The following DENND2B variants were observed in gnomAD, a reference collection of about 807,000 sequenced individuals.
DENND2B encodes DENN domain-containing protein 2B.
In DENND2B, 32 loss-of-function variants were observed where a neutral mutation model predicts 116.0. The ratio of observed to expected loss-of-function variants is 0.28; its 90% confidence interval spans 0.21 to 0.37. The LOEUF (loss-of-function observed/expected upper bound fraction) is 0.37. Ranked by LOEUF, DENND2B falls within the 10% of genes least tolerant of loss-of-function variation. The pLI is 1.00. For synonymous variants in DENND2B, 588 were observed against 583.9 expected (o/e 1.01, Z -0.10); for missense variants, 1,276 against 1,477.7 (o/e 0.86, Z 2.24).
intron 1 of DENND2B, among the ~76,000 whole-genome samples, chr11:8,908,172 A>G (rs894822020): frequency 6.6e-6 from 1 of 152,240 alleles, no homozygotes; most frequent in Non-Finnish European, 1.5e-5. Flanking sequence ...AGAAGAAACC[A>G]TAACTACACA....
At chr11:8,791,843 GT>G (rs1249479837) in intron 1 of DENND2B, among the ~76,000 whole-genome samples, 6 of 152,070 alleles carry the variant, frequency 3.9e-5, no homozygotes, top group African/African-American at 1.4e-4. Flanking sequence ...GTGAAAAGAA[GT>G]TCACAAATTT....
chr11:8,756,639 T>C (rs72858278), intron 1 of DENND2B, among the ~76,000 whole-genome samples: 35,012 of 152,182 alleles, frequency 0.23, 4,159 homozygotes, highest in South Asian at 0.35. Flanking sequence ...CTTGAGGAGC[T>C]GAAGGCCAGG....
At chr11:8,728,132 T>C (rs901358102) in intron 3 of DENND2B, among the ~76,000 whole-genome samples, 1 of 152,018 alleles carries the variant, frequency 6.6e-6, no homozygotes, top group Non-Finnish European at 1.5e-5. Context: ...GCCTCCCAAG[T>C]AGCTGAGACT....
At chr11:8,793,185 C>A (rs919381218) in intron 1 of DENND2B, among the ~76,000 whole-genome samples, 1 of 152,090 alleles carries the variant, frequency 6.6e-6, no homozygotes, top group Non-Finnish European at 1.5e-5. Context: ...CTTTTCTTTC[C>A]ATTTTTTAAT....
intron 3 of DENND2B, among the ~76,000 whole-genome samples, chr11:8,840,067 T>G (rs767379465): frequency 4.0e-5 from 6 of 151,842 alleles, no homozygotes; most frequent in South Asian, 2.1e-4. Flanking sequence ...AGGAGTGACC[T>G]CCCTGGAAGC....
chr11:8,697,519 T>G lies in DENND2B; in HGVS notation c.3052+6A>C, dbSNP rs762992632. Reference sequence around the variant, plus strand: ...AGAGCTGACCGTGCCCGGGCACTATTCTCACCATCGTCGGAGTCGCTGTCA... The same window carrying G: ...AGAGCTGACCGTGCCCGGGCACTATGCTCACCATCGTCGGAGTCGCTGTCA... On this transcript the variant is annotated splice_donor_region_variant and intron_variant, in intron 17 of 19. Coordinates refer to ENST00000313726, the MANE Select transcript of DENND2B (RefSeq NM_213618.2). 1.9e-6 allele frequency: 3 copies of G among 1,612,498 alleles called. No homozygotes were observed. The highest frequency in any genetic ancestry group is 2.2e-5 in the South Asian group (2 of 91,060).
chr11:8,910,142 T>G (rs1264481217), intron 1 of DENND2B, among the ~76,000 whole-genome samples: 1 of 151,806 alleles, frequency 6.6e-6, no homozygotes, highest in East Asian at 1.9e-4. Context: ...TACTTCCCAC[T>G]GGAGGGGAGA....
chr11:8,726,805 G>A (rs912578872), intron 3 of DENND2B, among the ~76,000 whole-genome samples: 3 of 152,224 alleles, frequency 2.0e-5, no homozygotes, highest in African/African-American at 7.2e-5. Context: ...CCCACTCAGG[G>A]CTGTCAGGGG....
chr11:8,703,865 G>C (rs2042131860), intron 13 of DENND2B, among the ~76,000 whole-genome samples: 1 of 152,210 alleles, frequency 6.6e-6, no homozygotes, highest in African/African-American at 2.4e-5. Flanking sequence ...TGATCCGCCA[G>C]ATGCTGGGTA....
chr11:8,787,656 G>T (rs75464582), intron 1 of DENND2B, among the ~76,000 whole-genome samples: 2,230 of 152,314 alleles, frequency 0.015, 29 homozygotes, highest in Middle Eastern at 0.071. Context: ...ATCATCCCAC[G>T]TCTAACGTCC....
chr11:8,878,422 C>A (rs1468337228), intron 2 of DENND2B, among the ~76,000 whole-genome samples: 1 of 150,894 alleles, frequency 6.6e-6, no homozygotes, highest in Non-Finnish European at 1.5e-5. Flanking sequence ...CAGAGTCTCG[C>A]TCAGTCGTCC....
At chr11:8,838,028 G>T (rs1273776167) in intron 4 of DENND2B, among the ~76,000 whole-genome samples, 2 of 152,244 alleles carry the variant, frequency 1.3e-5, no homozygotes, top group African/African-American at 2.4e-5. Context: ...CCGAGGCATG[G>T]ACAGGCAGTT....
At chr11:8,742,363 C>G (rs920051273) in intron 2 of DENND2B, among the ~76,000 whole-genome samples, 1 of 151,974 alleles carries the variant, frequency 6.6e-6, no homozygotes, top group African/African-American at 2.4e-5. Context: ...CAGTAGATGT[C>G]TGGAATATAT....
intron 1 of DENND2B, chr11:8,784,507 C>T (rs902606731): frequency 1.3e-5 from 2 of 151,532 alleles, no homozygotes; most frequent in African/African-American, 2.4e-5. Context: ...CAACCAGCAA[C>T]TCTGTTTCTC....
chr11:8,890,394 T>A (rs915237806), intron 1 of DENND2B, among the ~76,000 whole-genome samples: 3 of 152,190 alleles, frequency 2.0e-5, no homozygotes, highest in African/African-American at 4.8e-5. Context: ...GGATGGAGAA[T>A]GACTTTGACA....
chr11:8,722,319 C>T (rs2046328982), intron 4 of DENND2B, among the ~76,000 whole-genome samples: 2 of 152,156 alleles, frequency 1.3e-5, no homozygotes, highest in Non-Finnish European at 1.5e-5. Context: ...GACAGGACTC[C>T]AGTCCAATCA....
At chr11:8,854,608 G>C (rs2063131258) in intron 3 of DENND2B, among the ~76,000 whole-genome samples, 1 of 152,230 alleles carries the variant, frequency 6.6e-6, no homozygotes, top group South Asian at 2.1e-4. Flanking sequence ...GGGTATGATG[G>C]CTCATGCCTG....
intron 1 of DENND2B, among the ~76,000 whole-genome samples, chr11:8,803,567 T>C (rs2060544679): frequency 6.6e-6 from 1 of 152,212 alleles, no homozygotes; most frequent in East Asian, 1.9e-4. Context: ...TCTACCGCTA[T>C]ATGTAGGCAG....
chr11:8,761,117 TC>T lies in DENND2B; in HGVS notation c.-25-10393del, dbSNP rs2054548615. ...TGGTCCTTCTCCACTTCAGTGCAGA[TC>T]CTGCAGAGGTTTAAAGCTGGGTTTA... On this transcript the variant is annotated intron_variant, in intron 1 of 19. Coordinates refer to ENST00000313726, the MANE Select transcript of DENND2B (RefSeq NM_213618.2). Among the ~76,000 whole-genome samples the T allele has an allele frequency of 3.3e-5, 5 of 152,316 alleles. No individual in the cohort carries two copies. In the South Asian group the frequency reaches 1.0e-3, roughly 32 times the overall value.
Sources: gnomAD v4.1 joint callset for allele counts (sites outside exome capture counted in the v4.1 genomes callset) on GRCh38, gnomAD v4.1.1 for gene constraint, MANE v1.5 for transcripts, NCBI Gene and HGNC (gene_info 2026-07-23, HGNC 2026-07-21) for gene names.